Variants in ARFGAP3 observed in about 807,000 individuals in gnomAD.
ARFGAP3 encodes ARF GTPase activating protein 3, also known as ADP-ribosylation factor GTPase-activating protein 3.
A neutral mutation model predicts 75.0 loss-of-function variants in ARFGAP3; 72 were observed. The ratio of observed to expected loss-of-function variants is 0.96; its 90% CI spans 0.79 to 1.17. The LOEUF (loss-of-function observed/expected upper bound fraction) is 1.17. Ranked by LOEUF, ARFGAP3 falls within the 50% of genes most tolerant of loss-of-function variation. ARFGAP3 has a pLI of 0.00. For synonymous variants in ARFGAP3, 221 were observed against 217.9 expected (o/e 1.01, Z -0.13); for missense variants, 620 against 626.6 (o/e 0.99, Z 0.11).
chr22:42,819,464 C>T (rs8141000), intron 9 of ARFGAP3, among the ~76,000 whole-genome samples: 65,438 of 152,024 alleles, frequency 0.43, 14,639 homozygotes, highest in Non-Finnish European at 0.48. Flanking sequence ...TTGATGCTTA[C>T]GAGAACATCT....
intron 1 of ARFGAP3, among the ~76,000 whole-genome samples, chr22:42,852,308 C>T (rs1037599404): frequency 1.1e-4 from 16 of 151,894 alleles, no homozygotes; most frequent in Non-Finnish European, 1.2e-4. Flanking sequence ...ATTCATCTGC[C>T]TCGGCCTCCC....
chr22:42,856,298 C>T (rs570677305), intron 1 of ARFGAP3, among the ~76,000 whole-genome samples: 2 of 152,332 alleles, frequency 1.3e-5, no homozygotes, highest in African/African-American at 4.8e-5. Context: ...ACAGCTGTTC[C>T]CTTCGGGAAG....
At chr22:42,805,173 C>G (rs976871963) in intron 14 of ARFGAP3, among the ~76,000 whole-genome samples, 1 of 151,992 alleles carries the variant, frequency 6.6e-6, no homozygotes, top group Non-Finnish European at 1.5e-5. Context: ...GTGCCAGGAA[C>G]CAGGGTTGGT....
At chr22:42,813,654 C>T (rs1328207600) in intron 11 of ARFGAP3, among the ~76,000 whole-genome samples, 1 of 152,162 alleles carries the variant, frequency 6.6e-6, no homozygotes, top group Non-Finnish European at 1.5e-5. Context: ...GGCTGGCTGG[C>T]GGCTTCTCTG....
chr22:42,843,478 T>C lies in ARFGAP3; in HGVS notation c.189-2462A>G, dbSNP rs572129267. Reference sequence around the variant, plus strand: ...TTAAACTCCTGGGCTCAAGCTATCCTCCCACCCCGGCCTCCCAAGTGCTGG... The same window carrying C: ...TTAAACTCCTGGGCTCAAGCTATCCCCCCACCCCGGCCTCCCAAGTGCTGG... On this transcript the variant is annotated intron_variant, in intron 2 of 15. Coordinates refer to ENST00000263245, the MANE Select transcript of ARFGAP3 (RefSeq NM_014570.5). 2.0e-5 allele frequency among the ~76,000 whole-genome samples: 3 copies of C among 152,188 alleles called. No homozygotes were observed. In the South Asian group the frequency reaches 6.2e-4, roughly 32 times the overall value.
intron 2 of ARFGAP3, among the ~76,000 whole-genome samples, chr22:42,846,316 G>A (rs77133343): frequency 0.01 from 1,544 of 152,362 alleles, 27 homozygotes; most frequent in African/African-American, 0.035. Context: ...GCAAGGGCCT[G>A]TGGCAGGTGA....
intron 2 of ARFGAP3, among the ~76,000 whole-genome samples, chr22:42,845,037 G>C (rs7284112): frequency 0.049 from 7,398 of 152,240 alleles, 290 homozygotes; most frequent in African/African-American, 0.11. Context: ...TCCTGGAATG[G>C]CTTAAACTGG....
At chr22:42,811,385 G>A (rs1188141748) in intron 11 of ARFGAP3, among the ~76,000 whole-genome samples, 1 of 152,204 alleles carries the variant, frequency 6.6e-6, no homozygotes, top group African/African-American at 2.4e-5. Flanking sequence ...ACAACACAGG[G>A]CATCTTTAAA....
At chr22:42,851,489 C>A (rs1385323473) in intron 1 of ARFGAP3, among the ~76,000 whole-genome samples, 1 of 152,264 alleles carries the variant, frequency 6.6e-6, no homozygotes, top group African/African-American at 2.4e-5. Context: ...TTCACCTGAG[C>A]TTGGCACCAT....
At chr22:42,853,720 T>C in intron 1 of ARFGAP3, 1 of 161,538 alleles carries the variant, frequency 6.2e-6, no homozygotes, top group South Asian at 1.6e-4. Context: ...GTCTTTTGTA[T>C]GCGGTAATAC....
At chr22:42,817,585 C>G in intron 10 of ARFGAP3, 144 bp downstream of exon 10, 1 of 818,082 alleles carries the variant, frequency 1.2e-6, no homozygotes, top group South Asian at 1.8e-5. Flanking sequence ...ATACTGAATA[C>G]CAGAGCAAAG....
At chr22:42,855,805 A>C (rs1046031752) in intron 1 of ARFGAP3, among the ~76,000 whole-genome samples, 12 of 152,198 alleles carry the variant, frequency 7.9e-5, no homozygotes, top group South Asian at 6.2e-4. Context: ...GGACTGCTTG[A>C]GCCCAGGAAT....
intron 4 of ARFGAP3, among the ~76,000 whole-genome samples, 194 bp downstream of exon 4, chr22:42,835,168 T>C (rs928182830): frequency 1.3e-5 from 2 of 152,242 alleles, no homozygotes; most frequent in East Asian, 1.9e-4. Context: ...CTAGGAGCAA[T>C]GTTTTAGTAT....
At chr22:42,840,843 T>C (rs1926749826) in intron 3 of ARFGAP3, 101 bp downstream of exon 3, 2 of 1,231,162 alleles carry the variant, frequency 1.6e-6, no homozygotes, top group Non-Finnish European at 2.3e-6. Context: ...ATGGCTGAGA[T>C]TACAGGCATG....
intron 14 of ARFGAP3, among the ~76,000 whole-genome samples, chr22:42,804,376 ATT>A (rs1169858932): frequency 5.8e-4 from 43 of 74,462 alleles, no homozygotes; most frequent in Admixed American, 2.9e-3. Context: ...CACCCAGCTA[ATT>A]TTTTTTTTTT....
chr22:42,856,951 C>A (rs1275148168), intron 1 of ARFGAP3, among the ~76,000 whole-genome samples, 163 bp downstream of exon 1: 3 of 149,834 alleles, frequency 2.0e-5, no homozygotes, highest in Non-Finnish European at 3.0e-5. Flanking sequence ...AGCTGCCCGG[C>A]CCCGCCCGCC....
At chr22:42,801,221 A>G (rs1924843856) in intron 14 of ARFGAP3, among the ~76,000 whole-genome samples, 1 of 152,178 alleles carries the variant, frequency 6.6e-6, no homozygotes, top group African/African-American at 2.4e-5. Context: ...TGACTGGCCT[A>G]GGCAGGCTGA....
chr22:42,804,659 C>T (rs1229297334), intron 14 of ARFGAP3, among the ~76,000 whole-genome samples: 2 of 151,940 alleles, frequency 1.3e-5, no homozygotes, highest in African/African-American at 2.4e-5. Flanking sequence ...GGATTACAGG[C>T]GTGAGCCACT....
At position 42,810,822 on chromosome 22, in the gene ARFGAP3, T is replaced by C. The variant is rs1569140325; in HGVS notation, c.1187A>G (p.Tyr396Cys). The C allele has an allele frequency of 2.5e-6, 4 of 1,613,856 alleles. No individual in the cohort carries two copies. Among genetic ancestry groups the C allele is most frequent in the Non-Finnish European group, 2.5e-6 (3 of 1,179,728 alleles). The change falls in exon 12 of 16, where the codon TAT becomes TGT. Residue 396 changes from tyrosine (Y) to cysteine (C), a missense_variant. Coordinates refer to ENST00000263245, the MANE Select transcript of ARFGAP3 (RefSeq NM_014570.5). ...DTETVLKTTGYSDRPTARRKP... is the reference protein window; with the variant it reads ...DTETVLKTTGCSDRPTARRKP... ...AGTTTTGCATTCATACCTGTCTGAA[T>C]AGCCTGTGGTTTTCAGAACTGTTTC... is the stretch of plus-strand genomic sequence containing the variant.
Sources: allele counts gnomAD v4.1 joint callset (sites outside exome capture counted in the v4.1 genomes callset), GRCh38; gene constraint gnomAD v4.1.1; transcripts MANE v1.5; gene names NCBI Gene and HGNC (gene_info 2026-07-23, HGNC 2026-07-21).